Variants in TSHZ3 observed in about 807,000 individuals in gnomAD.
TSHZ3 encodes the protein teashirt zinc finger homeobox 3, also known as teashirt homolog 3.
Under a neutral mutation model 64.5 loss-of-function variants are expected in TSHZ3, and 10 were observed. The observed-to-expected ratio is 0.16, with a 90% CI of 0.10 to 0.26. The LOEUF (loss-of-function observed/expected upper bound fraction) is 0.26, where lower values mean the gene tolerates loss of function less well. Among genes scored for constraint, TSHZ3 ranks in the 10% least tolerant of loss-of-function variants. The pLI is 1.00. For synonymous variants in TSHZ3, 608 were observed against 593.1 expected (o/e 1.03, Z -0.36); for missense variants, 1,242 against 1,421.7 (o/e 0.87, Z 2.03).
intron 1 of TSHZ3, among the ~76,000 whole-genome samples, chr19:31,317,994 T>C (rs1361504465): frequency 6.6e-6 from 1 of 152,160 alleles, no homozygotes; most frequent in African/African-American, 2.4e-5. Flanking sequence ...CAAAACAATC[T>C]ATTGAAGAGT....
chr19:31,200,323 T>C (rs573493486), intron 5 of TSHZ3, among the ~76,000 whole-genome samples: 1 of 152,110 alleles, frequency 6.6e-6, no homozygotes, highest in South Asian at 2.1e-4. Context: ...GCAACCAATA[T>C]GTTCTTGAGT....
At chr19:31,161,241 A>G (rs1221397103) in intron 5 of TSHZ3, among the ~76,000 whole-genome samples, 1 of 152,184 alleles carries the variant, frequency 6.6e-6, no homozygotes, top group Non-Finnish European at 1.5e-5. Context: ...TGGATGCCTG[A>G]TAGCGGTATG....
chr19:31,321,431 G>A lies in TSHZ3; in HGVS notation c.40+27749C>T, dbSNP rs569317239. On this transcript the variant is annotated intron_variant, in intron 1 of 1. Transcript: ENST00000240587. ...TGAAGCACTCCAGAGACCGTTCCCC[G>A]TTGTTTTTAACTGCCCACCTAGCAA... 3.9e-5 allele frequency among the ~76,000 whole-genome samples: 6 copies of A among 152,330 alleles called. 1 individual carries two copies. The highest frequency in any genetic ancestry group is 1.3e-4 in the Admixed American group (2 of 15,302).
At chr19:31,226,673 C>A (rs1397343060) in intron 4 of TSHZ3, among the ~76,000 whole-genome samples, 1 of 152,144 alleles carries the variant, frequency 6.6e-6, no homozygotes, top group Non-Finnish European at 1.5e-5. Flanking sequence ...TGAGCACCAA[C>A]CACAAGTCAA....
rs1976264243 is a variant in TSHZ3 at position 31,277,515 on chromosome 19, T to G, written c.2278A>C (p.Lys760Gln). 6.2e-7 allele frequency: 1 copy of G among 1,605,498 alleles called. No homozygotes were observed. Among genetic ancestry groups the G allele is most frequent in the Admixed American group, 1.7e-5 (1 of 59,430 alleles). ...LFKMSNSLAE[K>Q]AAVATPPPLQ... is the part of the protein sequence containing the mutation. The stretch of plus-strand genomic sequence containing the variant: ...GGCGGCGGGGTGGCCACAGCAGCCT[T>G]CTCCGCCAGGCTGTTGCTCATCTTG... Residue 760 changes from lysine to glutamine, a missense_variant, in exon 2 of 2, where the codon AAG becomes CAG. By Grantham distance (53) the Lys-to-Gln change is moderately conservative (BLOSUM62 1). Transcript: ENST00000240587. This position sits in a 1 kb window ranked among gnomAD's most constrained non-coding sequence, Gnocchi z 4.5.
chr19:31,213,487 G>A (rs2145161702), intron 4 of TSHZ3, among the ~76,000 whole-genome samples: 1 of 151,058 alleles, frequency 6.6e-6, no homozygotes, highest in Non-Finnish European at 1.5e-5. Context: ...TATAATGGTG[G>A]ATCCATGTCT....
At chr19:31,249,243 G>A (rs1230634771) in intron 1 of TSHZ3, among the ~76,000 whole-genome samples, 1 of 152,218 alleles carries the variant, frequency 6.6e-6, no homozygotes, top group Admixed American at 6.5e-5. Flanking sequence ...TGCTGCACCT[G>A]CAGCCTGAGG....
At chr19:31,233,630 T>G (rs1203267284) in intron 3 of TSHZ3, among the ~76,000 whole-genome samples, 1 of 152,156 alleles carries the variant, frequency 6.6e-6, no homozygotes, top group Non-Finnish European at 1.5e-5. Flanking sequence ...AGTTAGTGCT[T>G]TTTGTGTTCC....
At chr19:31,271,430 T>G (rs1309713339), downstream of TSHZ3, among the ~76,000 whole-genome samples, 4 of 152,188 alleles carry the variant, frequency 2.6e-5, no homozygotes, top group Non-Finnish European at 4.4e-5. Context: ...TGCTCTGCAG[T>G]GACACCCGGA....
intron 3 of TSHZ3, among the ~76,000 whole-genome samples, chr19:31,232,617 A>G (rs1008025371): frequency 5.3e-5 from 8 of 152,366 alleles, no homozygotes; most frequent in African/African-American, 1.9e-4. Context: ...GCATTTGAAC[A>G]AAGTACACAC....
At chr19:31,195,644 T>C (rs1334341275) in intron 5 of TSHZ3, 4 of 151,968 alleles carry the variant, frequency 2.6e-5, no homozygotes, top group Admixed American at 2.6e-4. Flanking sequence ...GGAAATTCTA[T>C]AGGTCAGACA....
chr19:31,234,197 ATTAAC>A (rs1305239517), intron 3 of TSHZ3, among the ~76,000 whole-genome samples: 1 of 152,196 alleles, frequency 6.6e-6, no homozygotes, highest in Non-Finnish European at 1.5e-5. Flanking sequence ...GTTCATAATA[ATTAAC>A]TTCATATATT....
At chr19:31,166,178 G>T (rs1220491329) in intron 5 of TSHZ3, among the ~76,000 whole-genome samples, 1 of 152,160 alleles carries the variant, frequency 6.6e-6, no homozygotes, top group Non-Finnish European at 1.5e-5. Context: ...TGCAAGGTAG[G>T]TGACAATCAA....
chr19:31,277,899 C>T lies in TSHZ3; in HGVS notation c.1894G>A (p.Asp632Asn). 1.9e-6 allele frequency: 3 copies of T among 1,613,480 alleles called. No homozygotes were observed. The South Asian group carries it at 3.3e-5, about 18-fold the overall frequency. The change falls in exon 2 of 2, where the codon GAT (aspartate) becomes AAT (asparagine). Residue 632 changes from aspartate (D) to asparagine (N), a missense_variant. Around this residue, in one of 4 missense-constraint regions of TSHZ3, gnomAD observed 550 missense variants for 545.1 expected, o/e 1.01. Transcript: ENST00000240587. The surrounding 1 kb of genome is among the most constrained non-coding windows in gnomAD (Gnocchi z 4.5). Reference protein sequence around the residue: ...AKVEEKMKEPDGKLSPPKRAT... With the variant: ...AKVEEKMKEPNGKLSPPKRAT... ...CGCTTGGGCGGGGAAAGCTTCCCAT[C>T]CGGCTCCTTCATCTTCTCCTCCACT...
intron 1 of TSHZ3, among the ~76,000 whole-genome samples, chr19:31,297,199 C>T (rs1976678057): frequency 6.6e-6 from 1 of 152,182 alleles, no homozygotes; most frequent in South Asian, 2.1e-4. Context: ...CTCCACTGGG[C>T]ACAGTTCTCA....
intron 5 of TSHZ3, among the ~76,000 whole-genome samples, chr19:31,198,974 ATAT>A (rs1975032603): frequency 6.6e-6 from 1 of 152,200 alleles, no homozygotes; most frequent in African/African-American, 2.4e-5. Context: ...AGCCAACATA[ATAT>A]TGAAAAAGAA....
Position 31,279,205 on chromosome 19 carries a change from C to T in TSHZ3, c.588G>A (p.Leu196=). Residue 196 remains leucine, a synonymous_variant, in exon 2 of 2, where the codon CTG becomes CTA. Transcript: ENST00000240587. The surrounding 1 kb of genome is among the most constrained non-coding windows in gnomAD (Gnocchi z 6.4). The part of the protein sequence containing the change: ...PEPSLFSTVQ[L]YRQSSKLYGS... ...CATAGAGCTTGCTGCTCTGCCGGTA[C>T]AGCTGCACGGTGCTGAAGAGGCTGG... 6.2e-7 allele frequency: 1 copy of T among 1,614,128 alleles called. No homozygotes were observed. Among genetic ancestry groups the T allele is most frequent in the South Asian group, 1.1e-5 (1 of 91,076 alleles).
intron 1 of TSHZ3, among the ~76,000 whole-genome samples, chr19:31,344,016 G>T (rs930005217): frequency 6.6e-6 from 1 of 152,106 alleles, no homozygotes; most frequent in Non-Finnish European, 1.5e-5. Context: ...ATGTGTCAAA[G>T]AATTTAAAAA....
intron 1 of TSHZ3, among the ~76,000 whole-genome samples, chr19:31,322,563 G>A (rs988006306): frequency 6.6e-6 from 1 of 152,166 alleles, no homozygotes; most frequent in Non-Finnish European, 1.5e-5. Flanking sequence ...TGAAACTACA[G>A]ATGCATGCTA....
Sources: gnomAD v4.1 joint callset for allele counts (sites outside exome capture counted in the v4.1 genomes callset) on GRCh38, gnomAD v4.1.1 for gene constraint, gnomAD v4.1.1 regional missense constraint, Gnocchi (gnomAD v3.1) non-coding constraint, MANE v1.5 for transcripts, NCBI Gene and HGNC (gene_info 2026-07-23, HGNC 2026-07-21) for gene names.